Variants in TTC21A observed in about 807,000 individuals in gnomAD.
TTC21A encodes the protein tetratricopeptide repeat protein 21A.
Under a neutral mutation model 156.4 loss-of-function variants are expected in TTC21A, and 128 were observed. The ratio of observed to expected loss-of-function variants is 0.82; its 90% confidence interval spans 0.71 to 0.95. The LOEUF is 0.95. Among genes scored for constraint, TTC21A ranks in the 40% least tolerant of loss-of-function variants. The probability of loss-of-function intolerance (pLI) is 0.00; values close to 1 mark genes in which losing one functional copy is unlikely to be tolerated. For synonymous variants in TTC21A, 587 were observed against 617.1 expected (o/e 0.95, Z 0.72); for missense variants, 1,435 against 1,602.3 (o/e 0.90, Z 1.78).
At position 39,130,836 on chromosome 3, in the gene TTC21A, A is replaced by G. The variant is rs558694072; in HGVS notation, c.2455A>G (p.Ile819Val). 2 of 1,614,216 alleles carry G rather than the reference A, an allele frequency of 1.2e-6. No individual in the cohort carries two copies. Among genetic ancestry groups the G allele is most frequent in the African/African-American group, 2.7e-5 (2 of 75,050 alleles). ...KVLKQALEHD[I>V]VQDIPSMMND... ...TTTGAAGCAGGCACTGGAACATGACATTGGTGAGGCAGCATTGTAACCCAT... is the reference window on the plus strand; with the variant it reads ...TTTGAAGCAGGCACTGGAACATGACGTTGGTGAGGCAGCATTGTAACCCAT... Residue 819 changes from isoleucine to valine, a missense_variant, in exon 18 of 29, where the codon ATT becomes GTT. Physicochemically the swap from Ile to Val is conservative, Grantham distance 29. Coordinates refer to ENST00000683103, the MANE Select transcript of TTC21A (RefSeq NM_001366900.1). The surrounding 1 kb of genome is among the most constrained non-coding windows in gnomAD (Gnocchi z 4.5).
In TTC21A at chr3:39,130,086, T is replaced by G. The variant is rs1296678719; in HGVS notation, c.2143T>G (p.Cys715Gly). 1 of 1,614,140 alleles carries G rather than the reference T, an allele frequency of 6.2e-7. No individual in the cohort carries two copies. The change falls in exon 16 of 29, where the codon TGT becomes GGT. Residue 715 changes from cysteine to glycine, a missense_variant. Coordinates refer to ENST00000683103, the MANE Select transcript of TTC21A (RefSeq NM_001366900.1). The surrounding 1 kb of genome is among the most constrained non-coding windows in gnomAD (Gnocchi z 4.5). The part of the protein sequence containing the change: ...RLYIRCYREL[C>G]EHLPGPHTSL... ...GGTTACTCTTGCTTGCAGTGAGCTCTGTGAACATCTGCCTGGCCCCCACAC... is the reference window on the plus strand; with the variant it reads ...GGTTACTCTTGCTTGCAGTGAGCTCGGTGAACATCTGCCTGGCCCCCACAC...
intron 19 of TTC21A, among the ~76,000 whole-genome samples, chr3:39,132,299 G>A (rs2038782564): frequency 6.6e-6 from 1 of 152,216 alleles, no homozygotes; most frequent in Non-Finnish European, 1.5e-5. Context: ...TGGTGGAGCT[G>A]AGATCTGAGC....
intron 19 of TTC21A, chr3:39,131,375 A>G (rs1019954709): frequency 1.0e-4 from 32 of 317,784 alleles, no homozygotes; most frequent in African/African-American, 6.2e-4. Flanking sequence ...GATGGTAATG[A>G]CAATAGCTCC....
chr3:39,108,035 C>T, intron 1 of TTC21A, 171 bp downstream of exon 1: 1 of 713,362 alleles, frequency 1.4e-6, no homozygotes, highest in Non-Finnish European at 2.3e-6. Flanking sequence ...CCGGTGGCTT[C>T]TGCGCACCCT....
At position 39,131,062 on chromosome 3, in the gene TTC21A, T is replaced by TA; in HGVS notation, c.2535dup (p.Glu846ArgfsTer54). 2.5e-6 allele frequency: 4 copies of TA among 1,612,294 alleles called. No individual in the cohort carries two copies. The highest frequency in any genetic ancestry group is 2.5e-6 in the Non-Finnish European group (3 of 1,179,978). On this transcript the variant is annotated frameshift_variant, in exon 19 of 29. Coordinates refer to ENST00000683103, the MANE Select transcript of TTC21A (RefSeq NM_001366900.1). LOFTEE classifies it high-confidence loss of function. ...TGCTGGCAAAGGTTTACAAGAGCCA[T>TA]AAAAAAGAAGCTGTGATAGAAACTT... is the stretch of plus-strand genomic sequence containing the variant.
intron 9 of TTC21A, among the ~76,000 whole-genome samples, chr3:39,124,521 G>A (rs1005829286): frequency 3.3e-5 from 5 of 151,872 alleles, no homozygotes; most frequent in South Asian, 2.1e-4. Context: ...TTAGCCGGGC[G>A]TGGTGGCCAT....
In TTC21A at chr3:39,134,859, C is replaced by T. The variant is rs549416298; in HGVS notation, c.2863-234C>T. 3.4e-6 allele frequency: 2 copies of T among 590,866 alleles called. No individual in the cohort carries two copies. Among genetic ancestry groups the T allele is most frequent in the African/African-American group, 1.9e-5 (1 of 53,794 alleles). 36.6% of individuals were successfully genotyped at this position (590,866 alleles called of 1,614,324 possible). On this transcript the variant is annotated intron_variant, in intron 21 of 28. Coordinates refer to ENST00000683103, the MANE Select transcript of TTC21A (RefSeq NM_001366900.1). This position sits in a 1 kb window ranked among gnomAD's most constrained non-coding sequence, Gnocchi z 4.6. ...AGTCTTACCTTCCCATGTACATCCT[C>T]AACCCAACTCTTCTTGCCCCTCACC...
At chr3:39,131,439 A>G (rs1367305459) in intron 19 of TTC21A, 1 of 208,562 alleles carries the variant, frequency 4.8e-6, no homozygotes, top group African/African-American at 2.3e-5. Context: ...TTCTTATTGA[A>G]TGATCACAGT....
At position 39,135,214 on chromosome 3, in the gene TTC21A, T is replaced by C. The variant is rs901791396; in HGVS notation, c.2944+40T>C. 1.9e-6 allele frequency: 3 copies of C among 1,558,154 alleles called. No homozygotes were observed. In the Admixed American group the frequency reaches 5.0e-5, roughly 26 times the overall value. On this transcript the variant is annotated intron_variant, in intron 22 of 28. Transcript: ENST00000683103. Reference sequence around the variant, plus strand: ...GGAGACTGCCTGTACCAGTTCCCACTGAGCAAGGGCCGCTCTCCCAGAGAA... The same window carrying C: ...GGAGACTGCCTGTACCAGTTCCCACCGAGCAAGGGCCGCTCTCCCAGAGAA...
At chr3:39,125,775 C>T (rs966591714) in intron 11 of TTC21A, among the ~76,000 whole-genome samples, 8 of 152,220 alleles carry the variant, frequency 5.3e-5, no homozygotes, top group Admixed American at 3.9e-4. Context: ...CTCTAACAGG[C>T]TCCCAAGTGA....
chr3:39,137,348 G>A lies in TTC21A; in HGVS notation c.3411G>A (p.Glu1137=), dbSNP rs2039207661. The change falls in exon 25 of 29, where the codon GAG becomes GAA. Residue 1137 remains glutamate (E), a synonymous_variant. Transcript: ENST00000683103. ...RLATREKANM[E]AALGSFIQIA... is the part of the protein sequence containing the mutation. ...CCACCAGGGAGAAGGCTAACATGGA[G>A]GCTGCGCTGGGCAGCTTCATCCAGA... 6.2e-7 allele frequency: 1 copy of A among 1,613,706 alleles called. No individual in the cohort carries two copies. Among genetic ancestry groups the A allele is most frequent in the Non-Finnish European group, 8.5e-7 (1 of 1,179,860 alleles).
At position 39,135,083 on chromosome 3, in the gene TTC21A, T is replaced by C; in HGVS notation, c.2863-10T>C. On this transcript the variant is annotated splice_polypyrimidine_tract_variant and intron_variant, in intron 21 of 28. Transcript: ENST00000683103. ...TTGGGAAATCTGGAGCTTTGTGTGT[T>C]TTCTGATAGTTGATGGCTGACCTGA... The C allele has an allele frequency of 6.2e-7, 1 of 1,613,942 alleles. No individual in the cohort carries two copies. Among genetic ancestry groups the C allele is most frequent in the Non-Finnish European group, 8.5e-7 (1 of 1,179,880 alleles).
chr3:39,110,982 G>T lies in TTC21A; in HGVS notation c.400G>T (p.Asp134Tyr). ...CCATGACAAGGCCAAAGAGTACATT[G>T]ACCGCATGCTGAAGATTTCTAGAGG... Reference protein sequence around the residue: ...GRHDKAKEYIDRMLKISRGFR... With the variant: ...GRHDKAKEYIYRMLKISRGFR... Residue 134 changes from aspartate (D) to tyrosine (Y), a missense_variant, in exon 4 of 29, where the codon GAC becomes TAC. By Grantham distance (160) the Asp-to-Tyr change is radical. Coordinates refer to ENST00000683103, the MANE Select transcript of TTC21A (RefSeq NM_001366900.1). 4 of 1,612,766 alleles carry T rather than the reference G, an allele frequency of 2.5e-6. No homozygotes were observed. The highest frequency in any genetic ancestry group is 3.4e-6 in the Non-Finnish European group (4 of 1,179,218).
intron 8 of TTC21A, among the ~76,000 whole-genome samples, chr3:39,120,348 C>A (rs1236447418): frequency 6.6e-6 from 1 of 152,164 alleles, no homozygotes; most frequent in Admixed American, 6.5e-5. Context: ...GAGCCACACC[C>A]AGCTCTAGCC....
chr3:39,117,497 T>C (rs2037393281), intron 6 of TTC21A, among the ~76,000 whole-genome samples: 1 of 152,244 alleles, frequency 6.6e-6, no homozygotes, highest in Non-Finnish European at 1.5e-5. Context: ...CTTTTCCATC[T>C]TACAGTGACT....
At chr3:39,120,935 G>T in intron 8 of TTC21A, 62 bp from the exon 9 acceptor site, 2 of 1,441,744 alleles carry the variant, frequency 1.4e-6, no homozygotes, top group South Asian at 2.7e-5. Context: ...TTTCTGACAT[G>T]ACCTTGCTCA....
Position 39,119,925 on chromosome 3 carries a change from A to G in TTC21A, c.805A>G (p.Thr269Ala). 2 of 1,601,302 alleles carry G rather than the reference A, an allele frequency of 1.2e-6. No individual in the cohort carries two copies. Among genetic ancestry groups the G allele is most frequent in the Admixed American group, 3.3e-5 (2 of 59,832 alleles). The change falls in exon 8 of 29, where the codon ACC becomes GCC. Residue 269 changes from threonine (T) to alanine (A), a missense_variant. Thr to Ala is a moderately conservative substitution (Grantham distance 58). Transcript: ENST00000683103. Reference protein sequence around the residue: ...LAREGNMTTATNHVRNLIKAL... With the variant: ...LAREGNMTTAANHVRNLIKAL... ...ATTCTCTGTTTTGTCCCTGCAGGCT[A>G]CCAATCACGTTAGAAATCTGATTAA...
intron 8 of TTC21A, 124 bp from the exon 9 acceptor site, chr3:39,120,873 T>C (rs2037711459): frequency 1.3e-6 from 1 of 795,626 alleles, no homozygotes; most frequent in South Asian, 1.9e-5. Context: ...AGACACACGG[T>C]ACCTCTTGGC....
chr3:39,129,224 G>A lies in TTC21A; in HGVS notation c.2049G>A (p.Gln683=). 6.2e-7 allele frequency: 1 copy of A among 1,614,230 alleles called. No individual in the cohort carries two copies. The part of the protein sequence containing the change: ...LNMLRNILPK[Q]SCYMEAREKM... ...TGCTAAGGAACATCTTGCCCAAGCA[G>A]TCCTGCTATATGGAAGCCAGAGAGA... Residue 683 remains glutamine (Q), a synonymous_variant, in exon 15 of 29, where the codon CAG becomes CAA. Transcript: ENST00000683103.
Sources: gnomAD v4.1 joint callset for allele counts (sites outside exome capture counted in the v4.1 genomes callset) on GRCh38, gnomAD v4.1.1 for gene constraint, Gnocchi (gnomAD v3.1) non-coding constraint, MANE v1.5 for transcripts, NCBI Gene and HGNC (gene_info 2026-07-23, HGNC 2026-07-21) for gene names.